The following TAFA5 variants were observed in gnomAD, a reference collection of about 807,000 sequenced individuals.
The protein encoded by TAFA5 is chemokine-like protein TAFA-5.
In TAFA5, 6 loss-of-function variants were observed where a neutral mutation model predicts 15.3. The observed-to-expected ratio is 0.39, with a 90% CI of 0.21 to 0.77. TAFA5 has a LOEUF of 0.77. Among genes scored for constraint, TAFA5 ranks in the 30% least tolerant of loss-of-function variants. The probability of loss-of-function intolerance (pLI) is 0.41; values close to 1 mark genes in which losing one functional copy is unlikely to be tolerated. For missense variants in TAFA5, 161 were observed against 193.1 expected, an observed-to-expected ratio of 0.83 and a Z score of 0.98; for synonymous variants, 103 against 80.7, an observed-to-expected ratio of 1.28 and a Z score of -1.48.
At position 48,637,887 on chromosome 22, in the gene TAFA5, C is replaced by G. The variant is rs16999574; in HGVS notation, c.113-8710C>G. On this transcript the variant is annotated intron_variant, in intron 1 of 3. Coordinates refer to ENST00000402357, the MANE Select transcript of TAFA5 (RefSeq NM_001082967.3). ...CTTCCGGTTTATGAATAGGTCTTCTCCTGTGTAAAGCCTTGAAAACAGAGC... is the reference window on the plus strand; with the variant it reads ...CTTCCGGTTTATGAATAGGTCTTCTGCTGTGTAAAGCCTTGAAAACAGAGC... 8.5e-3 allele frequency among the ~76,000 whole-genome samples: 1,299 copies of G among 152,158 alleles called. 18 individuals are homozygous for G. Among genetic ancestry groups the G allele is most frequent in the African/African-American group, 0.03 (1,237 of 41,504 alleles).
intron 3 of TAFA5, among the ~76,000 whole-genome samples, chr22:48,723,992 C>T (rs1313933853): frequency 2.6e-5 from 4 of 152,238 alleles, no homozygotes; most frequent in Non-Finnish European, 4.4e-5. Flanking sequence ...TGGGAAACCC[C>T]TGCCCATCTG....
intron 1 of TAFA5, among the ~76,000 whole-genome samples, chr22:48,623,755 A>G (rs1232978433): frequency 6.6e-6 from 1 of 152,234 alleles, no homozygotes; most frequent in Non-Finnish European, 1.5e-5. Flanking sequence ...CAGAAAGCCT[A>G]TTGCCCTTCG....
chr22:48,667,620 C>G (rs1016840895), intron 2 of TAFA5, among the ~76,000 whole-genome samples: 1 of 152,200 alleles, frequency 6.6e-6, no homozygotes, highest in African/African-American at 2.4e-5. Flanking sequence ...CGTTATAACT[C>G]CTGCCTGGTT....
chr22:48,524,257 T>C (rs561939048), intron 1 of TAFA5, among the ~76,000 whole-genome samples: 6 of 152,140 alleles, frequency 3.9e-5, no homozygotes, highest in Non-Finnish European at 7.4e-5. Context: ...GCTTTGACAG[T>C]GTGGGGGCTG....
intron 2 of TAFA5, among the ~76,000 whole-genome samples, chr22:48,660,365 G>A (rs776052021): frequency 6.6e-5 from 10 of 152,176 alleles, no homozygotes; most frequent in Non-Finnish European, 1.5e-4. Flanking sequence ...TGGCGCTTGC[G>A]CACATCTCGA....
At chr22:48,567,823 G>T (rs141974349) in intron 1 of TAFA5, among the ~76,000 whole-genome samples, 54 of 152,292 alleles carry the variant, frequency 3.5e-4, no homozygotes, top group African/African-American at 1.2e-3. Context: ...GGGGAATGAG[G>T]TCTCACAGGA....
At chr22:48,526,755 A>T (rs1199529608) in intron 1 of TAFA5, among the ~76,000 whole-genome samples, 4 of 152,238 alleles carry the variant, frequency 2.6e-5, no homozygotes. Flanking sequence ...ACTTAGAAAG[A>T]TTGCAAGACG....
intron 1 of TAFA5, among the ~76,000 whole-genome samples, chr22:48,621,951 A>G (rs1190317423): frequency 1.3e-5 from 2 of 151,986 alleles, no homozygotes; most frequent in African/African-American, 2.4e-5. Context: ...CTGTTTTCCT[A>G]GATGAGGAGT....
intron 1 of TAFA5, among the ~76,000 whole-genome samples, chr22:48,576,080 C>T (rs1303726454): frequency 1.5e-5 from 2 of 134,926 alleles, no homozygotes; most frequent in East Asian, 4.5e-4. Context: ...GCGCAATCCG[C>T]GGCCCGCCGT....
At chr22:48,506,418 T>C (rs1920999089) in intron 1 of TAFA5, among the ~76,000 whole-genome samples, 1 of 152,230 alleles carries the variant, frequency 6.6e-6, no homozygotes, top group South Asian at 2.1e-4. Flanking sequence ...TGTGTGTGTT[T>C]CCTTTGGGGT....
chr22:48,527,860 C>T (rs1475888694), intron 1 of TAFA5, among the ~76,000 whole-genome samples: 6 of 152,150 alleles, frequency 3.9e-5, no homozygotes, highest in East Asian at 3.9e-4. Flanking sequence ...AGATGGAGCC[C>T]GGCGCGAGGC....
chr22:48,702,108 A>T, intron 2 of TAFA5, among the ~76,000 whole-genome samples: 1 of 141,692 alleles, frequency 7.1e-6, no homozygotes, highest in East Asian at 2.1e-4. Context: ...GCAAGAGGGC[A>T]CACAGTGGAC....
chr22:48,644,190 G>A (rs1412252164), intron 1 of TAFA5, among the ~76,000 whole-genome samples: 2 of 152,186 alleles, frequency 1.3e-5, no homozygotes, highest in African/African-American at 4.8e-5. Context: ...GGTAGTGGAA[G>A]TCCAAGTTCC....
chr22:48,677,816 G>T (rs1928023649), intron 2 of TAFA5, among the ~76,000 whole-genome samples: 2 of 152,148 alleles, frequency 1.3e-5, no homozygotes, highest in Admixed American at 1.3e-4. Context: ...CACAGCTACA[G>T]GCAGCTGTCC....
At chr22:48,715,504 C>G (rs1259199690) in intron 3 of TAFA5, among the ~76,000 whole-genome samples, 1 of 152,210 alleles carries the variant, frequency 6.6e-6, no homozygotes, top group East Asian at 1.9e-4. Context: ...AGGCCAGGGC[C>G]TCCATCTTCC....
At chr22:48,748,478 G>A (rs1010369017) in intron 3 of TAFA5, among the ~76,000 whole-genome samples, 3 of 152,230 alleles carry the variant, frequency 2.0e-5, no homozygotes, top group Non-Finnish European at 2.9e-5. Context: ...CAGGCAGAAC[G>A]GCCGTGGTGG....
At chr22:48,702,530 G>A (rs908575436) in intron 2 of TAFA5, among the ~76,000 whole-genome samples, 3 of 151,948 alleles carry the variant, frequency 2.0e-5, no homozygotes, top group Non-Finnish European at 2.9e-5. Flanking sequence ...ACATAAATAC[G>A]CATGAGACCC....
chr22:48,657,683 G>A (rs1927296265), intron 2 of TAFA5, among the ~76,000 whole-genome samples: 1 of 152,158 alleles, frequency 6.6e-6, no homozygotes, highest in Non-Finnish European at 1.5e-5. Context: ...ACCGTGATGG[G>A]GACAGTGACA....
At chr22:48,562,970 T>C (rs1923288584) in intron 1 of TAFA5, among the ~76,000 whole-genome samples, 1 of 152,212 alleles carries the variant, frequency 6.6e-6, no homozygotes, top group Non-Finnish European at 1.5e-5. Flanking sequence ...CTGGAGGCCC[T>C]GGCGGAGCTG....
Sources: allele counts gnomAD v4.1 joint callset (sites outside exome capture counted in the v4.1 genomes callset), GRCh38; gene constraint gnomAD v4.1.1; transcripts MANE v1.5; gene names NCBI Gene and HGNC (gene_info 2026-07-23, HGNC 2026-07-21).